Variants in C1orf185 observed in about 807,000 individuals in gnomAD.
C1orf185 encodes the protein uncharacterized protein C1orf185.
In C1orf185, 13 loss-of-function variants were observed where a neutral mutation model predicts 16.1. The observed-to-expected ratio is 0.81, with a 90% CI of 0.53 to 1.28. C1orf185 has a LOEUF of 1.28. Among genes scored for constraint, C1orf185 ranks in the 50% most tolerant of loss-of-function variants. The probability of loss-of-function intolerance (pLI) is 0.00; values close to 1 mark genes in which losing one functional copy is unlikely to be tolerated. For synonymous variants in C1orf185, 80 were observed against 76.9 expected, an observed-to-expected ratio of 1.04 and a Z score of -0.21; for missense variants, 220 against 225.2, an observed-to-expected ratio of 0.98 and a Z score of 0.15.
At chr1:51,134,523 A>C (rs1374719326) in intron 3 of C1orf185, among the ~76,000 whole-genome samples, 4 of 188 alleles carry the variant, frequency 0.021, no homozygotes, top group African/African-American at 0.029. Context: ...GACACACACA[A>C]AAAAAAAACA....
At chr1:51,112,793 G>T (rs1646130849) in intron 2 of C1orf185, among the ~76,000 whole-genome samples, 1 of 151,512 alleles carries the variant, frequency 6.6e-6, no homozygotes, top group Non-Finnish European at 1.5e-5. Flanking sequence ...AATTTTGAAG[G>T]ATAACAAGAC....
intron 3 of C1orf185, among the ~76,000 whole-genome samples, chr1:51,127,882 TTTG>T (rs1646253207): frequency 6.8e-6 from 1 of 147,724 alleles, no homozygotes; most frequent in African/African-American, 2.5e-5. Context: ...TTTTCTTTTC[TTTG>T]TTTTTTTTTT....
intron 3 of C1orf185, among the ~76,000 whole-genome samples, chr1:51,123,865 T>G (rs544259288): frequency 1.3e-5 from 2 of 152,052 alleles, no homozygotes; most frequent in South Asian, 4.1e-4. Flanking sequence ...TTCTTATTGC[T>G]GAGTTTTAAA....
intron 3 of C1orf185, among the ~76,000 whole-genome samples, chr1:51,129,210 G>A (rs936589473): frequency 3.3e-5 from 5 of 152,054 alleles, no homozygotes; most frequent in Non-Finnish European, 7.4e-5. Context: ...TAAATTTTTT[G>A]TAGAGATGGG....
At chr1:51,147,292 T>C (rs539466084) in intron 4 of C1orf185, among the ~76,000 whole-genome samples, 175 bp from the exon 5 acceptor site, 2 of 152,324 alleles carry the variant, frequency 1.3e-5, no homozygotes, top group African/African-American at 4.8e-5. Context: ...AGAATAGTCT[T>C]TTCTATTCTT....
chr1:51,131,762 A>T (rs1431063413), intron 3 of C1orf185, among the ~76,000 whole-genome samples: 1 of 152,198 alleles, frequency 6.6e-6, no homozygotes, highest in Admixed American at 6.5e-5. Context: ...TTGGCCATGG[A>T]TTGCTGGCCA....
downstream of C1orf185, among the ~76,000 whole-genome samples, chr1:51,149,077 A>G (rs1441206256): frequency 2.0e-5 from 3 of 152,116 alleles, no homozygotes; most frequent in East Asian, 5.8e-4. Flanking sequence ...AGTCTATGAG[A>G]CCCTTGGTCA....
intron 1 of C1orf185, among the ~76,000 whole-genome samples, chr1:51,110,243 T>C (rs1476703652): frequency 6.6e-6 from 1 of 152,206 alleles, no homozygotes; most frequent in Non-Finnish European, 1.5e-5. Context: ...TTAATGTTTA[T>C]AAAGCACTTT....
chr1:51,145,928 A>G (rs1646395914), intron 4 of C1orf185, among the ~76,000 whole-genome samples, 168 bp downstream of exon 4: 1 of 152,160 alleles, frequency 6.6e-6, no homozygotes, highest in Non-Finnish European at 1.5e-5. Flanking sequence ...TTTTTTAGAA[A>G]AAACAAAACT....
At chr1:51,109,567 T>A (rs188377715) in intron 1 of C1orf185, among the ~76,000 whole-genome samples, 1 of 152,274 alleles carries the variant, frequency 6.6e-6, no homozygotes, top group East Asian at 1.9e-4. Context: ...AAGTCTTTAA[T>A]CCATTTTGAG....
intron 2 of C1orf185, among the ~76,000 whole-genome samples, chr1:51,116,822 G>GA (rs11372422): frequency 0.18 from 27,531 of 151,900 alleles, 4,771 homozygotes; most frequent in African/African-American, 0.46. Flanking sequence ...TCTCTGTCTA[G>GA]ATATACTTAC....
At chr1:51,109,549 T>C (rs1379499312) in intron 1 of C1orf185, among the ~76,000 whole-genome samples, 1 of 152,184 alleles carries the variant, frequency 6.6e-6, no homozygotes, top group Non-Finnish European at 1.5e-5. Context: ...GTTTGGGCTC[T>C]TACATTTAAG....
intron 2 of C1orf185, among the ~76,000 whole-genome samples, chr1:51,117,583 G>T (rs1646166684): frequency 6.6e-6 from 1 of 152,104 alleles, no homozygotes; most frequent in African/African-American, 2.4e-5. Context: ...GCCTTTTCCA[G>T]AATGTCATAT....
downstream of C1orf185, among the ~76,000 whole-genome samples, chr1:51,152,031 C>T (rs974202713): frequency 6.6e-6 from 1 of 152,034 alleles, no homozygotes; most frequent in African/African-American, 2.4e-5. Context: ...TCTCACTATT[C>T]TGCTCAGGTT....
At position 51,147,588 on chromosome 1, in the gene C1orf185, A is replaced by G; in HGVS notation, c.417A>G (p.Pro139=). The part of the protein sequence containing the change: ...SSVTLSLSTL[P]SDSYYSQSIE... ...TTACATTAAGCTTATCAACATTACC[A>G]TCTGATTCTTATTACAGCCAAAGTA... Residue 139 remains proline (P), a synonymous_variant, in exon 5 of 5, where the codon CCA becomes CCG. Coordinates refer to ENST00000371759, the MANE Select transcript of C1orf185 (RefSeq NM_001136508.2). The G allele has an allele frequency of 6.4e-7, 1 of 1,551,570 alleles. No individual in the cohort carries two copies. The highest frequency in any genetic ancestry group is 1.4e-5 in the African/African-American group (1 of 73,158).
chr1:51,137,465 C>T (rs542943552), intron 3 of C1orf185, among the ~76,000 whole-genome samples: 1 of 152,136 alleles, frequency 6.6e-6, no homozygotes, highest in East Asian at 1.9e-4. Flanking sequence ...ACCCAAGAGG[C>T]AGTGGTTGCA....
intron 3 of C1orf185, among the ~76,000 whole-genome samples, chr1:51,142,901 T>C (rs1283103825): frequency 1.3e-5 from 2 of 152,082 alleles, no homozygotes; most frequent in Non-Finnish European, 2.9e-5. Context: ...GTAGCTGGGA[T>C]TACAGGCATG....
intron 3 of C1orf185, among the ~76,000 whole-genome samples, chr1:51,127,604 A>G (rs767081592): frequency 2.0e-5 from 3 of 151,852 alleles, no homozygotes; most frequent in Non-Finnish European, 4.4e-5. Flanking sequence ...ATTTCTGACA[A>G]GGTTTAGTTT....
chr1:51,124,694 A>G (rs1646226069), intron 3 of C1orf185, among the ~76,000 whole-genome samples: 1 of 152,238 alleles, frequency 6.6e-6, no homozygotes, highest in Non-Finnish European at 1.5e-5. Context: ...AAGGGGCAGT[A>G]ATATCTGAGT....
Sources: gnomAD v4.1 joint callset for allele counts (sites outside exome capture counted in the v4.1 genomes callset) on GRCh38, gnomAD v4.1.1 for gene constraint, MANE v1.5 for transcripts, NCBI Gene and HGNC (gene_info 2026-07-23, HGNC 2026-07-21) for gene names.